PCDHA6: variants seen among roughly 807,000 people sequenced by gnomAD.
PCDHA6 encodes the protein protocadherin alpha 6, also known as protocadherin alpha-6.
A neutral mutation model predicts 60.3 loss-of-function variants in PCDHA6; 55 were observed. The observed-to-expected ratio is 0.91, with a 90% CI of 0.73 to 1.14. The LOEUF is 1.14. Among genes scored for constraint, PCDHA6 ranks in the 50% most tolerant of loss-of-function variants. PCDHA6 has a pLI of 0.00. For missense variants in PCDHA6, 1,327 were observed against 1,256.5 expected, an observed-to-expected ratio of 1.06 and a Z score of -0.85; for synonymous variants, 652 against 557.9, an observed-to-expected ratio of 1.17 and a Z score of -2.38.
intron 1 of PCDHA6, among the ~76,000 whole-genome samples, chr5:140,899,127 C>G (rs1487430888): frequency 2.0e-4 from 30 of 152,302 alleles, no homozygotes; most frequent in African/African-American, 7.0e-4. Context: ...ACAATCATGT[C>G]TTCTGCAAAC....
At chr5:140,835,933 T>C (rs1774056119) in intron 1 of PCDHA6, 1 of 1,612,410 alleles carries the variant, frequency 6.2e-7, no homozygotes, top group Non-Finnish European at 8.5e-7. Context: ...AGCGGCAAGG[T>C]GTACGCGCTG....
At chr5:140,906,933 G>A (rs1214323970) in intron 1 of PCDHA6, among the ~76,000 whole-genome samples, 2 of 152,158 alleles carry the variant, frequency 1.3e-5, no homozygotes, top group African/African-American at 4.8e-5. Flanking sequence ...GTGTCCCGGT[G>A]TCAATCTTAA....
rs529079699 is a variant in PCDHA6, at chr5:140,984,687, T to C, written c.2542+2124T>C. ...TTAGGTTTTTAGGACTCAATATATGTTCTGCACTGCTTGGAGGGAATATGG... is the reference window on the plus strand; with the variant it reads ...TTAGGTTTTTAGGACTCAATATATGCTCTGCACTGCTTGGAGGGAATATGG... On this transcript the variant is annotated intron_variant, in intron 3 of 3. Transcript: ENST00000529310. Among the ~76,000 whole-genome samples the C allele has an allele frequency of 2.0e-5, 3 of 152,332 alleles. No individual in the cohort carries two copies. The East Asian group carries it at 5.8e-4, about 29-fold the overall frequency.
chr5:140,905,130 GT>G (rs1448449678), intron 1 of PCDHA6, among the ~76,000 whole-genome samples: 11 of 152,178 alleles, frequency 7.2e-5, no homozygotes, highest in African/African-American at 2.7e-4. Flanking sequence ...GTCTAGAAGA[GT>G]TTTTCTGCTG....
intron 1 of PCDHA6, chr5:140,875,939 G>A (rs2055971750): frequency 6.2e-7 from 1 of 1,614,158 alleles, no homozygotes; most frequent in Non-Finnish European, 8.5e-7. Flanking sequence ...CCTCTAGAGG[G>A]CGCTTCTGAT....
chr5:140,835,710 G>A (rs1773867505), intron 1 of PCDHA6: 1 of 1,613,842 alleles, frequency 6.2e-7, no homozygotes, highest in Non-Finnish European at 8.5e-7. Context: ...TAGCGTGTCC[G>A]TGGAGGTGGC....
intron 1 of PCDHA6, among the ~76,000 whole-genome samples, chr5:140,887,278 A>G (rs782205714): frequency 5.9e-5 from 9 of 151,950 alleles, no homozygotes; most frequent in Non-Finnish European, 8.8e-5. Flanking sequence ...TTGTATTTTT[A>G]GTAGAGATGG....
intron 1 of PCDHA6, chr5:140,850,086 C>T (rs2150466254): frequency 1.1e-5 from 17 of 1,596,424 alleles, no homozygotes; most frequent in African/African-American, 2.7e-5. Context: ...GCTGGAGCTG[C>T]TACAGTTCCA....
rs1770921442 is a variant in PCDHA6 at position 140,830,239 on chromosome 5, G to T, written c.2148G>T (p.Leu716=). ...CCAGCCTGCTGGTCCTCACGCTACT[G>T]CTGTACACAGCGCTGCGGTGCTCGG... ...AVSSLLVLTL[L]LYTALRCSAP... Residue 716 remains leucine, a synonymous_variant, in exon 1 of 4, where the codon CTG becomes CTT. Transcript: ENST00000529310. The T allele has an allele frequency of 1.2e-6, 2 of 1,613,826 alleles. No homozygotes were observed. The highest frequency in any genetic ancestry group is 1.1e-5 in the South Asian group (1 of 91,090).
At chr5:140,853,280 T>C in intron 1 of PCDHA6, 1 of 980,192 alleles carries the variant, frequency 1.0e-6, no homozygotes, top group South Asian at 4.8e-5. Context: ...TCTCATCATA[T>C]GCAAATTCTC....
At chr5:140,990,314 C>G (rs1295117014) in intron 3 of PCDHA6, among the ~76,000 whole-genome samples, 1 of 152,094 alleles carries the variant, frequency 6.6e-6, no homozygotes, top group East Asian at 1.9e-4. Flanking sequence ...AAAAAACCAA[C>G]CAAACAAACT....
intron 1 of PCDHA6, among the ~76,000 whole-genome samples, chr5:140,897,693 G>A (rs1327367730): frequency 6.6e-6 from 1 of 152,008 alleles, no homozygotes; most frequent in African/African-American, 2.4e-5. Context: ...TAGTCCTTTG[G>A]GCATATACCC....
At chr5:140,856,980 A>G in intron 1 of PCDHA6, 1 of 1,594,908 alleles carries the variant, frequency 6.3e-7, no homozygotes, top group African/African-American at 1.3e-5. Context: ...GACTTTGAGG[A>G]CAGTAACACT....
rs2150163115 is a variant in PCDHA6, at chr5:140,829,151, T to A, written c.1060T>A (p.Ser354Thr). ...TAACGTCCCTGAGATAGCACTGACT[T>A]CCTTATCCTTGCCTGTACGTGAAGA... is the stretch of plus-strand genomic sequence containing the variant. ...NDNVPEIALTSLSLPVREDAQ... is the reference protein window; with the variant it reads ...NDNVPEIALTTLSLPVREDAQ... The change falls in exon 1 of 4, where the codon TCC becomes ACC. Residue 354 changes from serine (S) to threonine (T), a missense_variant. Coordinates refer to ENST00000529310, the MANE Select transcript of PCDHA6 (RefSeq NM_018909.4). The A allele has an allele frequency of 6.2e-7, 1 of 1,613,966 alleles. No individual in the cohort carries two copies. The highest frequency in any genetic ancestry group is 1.7e-5 in the Admixed American group (1 of 60,022).
At chr5:140,943,267 AAAAAAAAAAAG>A in intron 1 of PCDHA6, among the ~76,000 whole-genome samples, 2 of 150,426 alleles carry the variant, frequency 1.3e-5, no homozygotes, top group South Asian at 2.1e-4. Context: ...CAAAAAAAAA[AAAAAAAAAAAG>A]AAAGAAAGAA....
intron 1 of PCDHA6, chr5:140,836,630 A>T (rs2150266222): frequency 6.2e-7 from 1 of 1,613,502 alleles, no homozygotes. Context: ...GGAGCTGGTC[A>T]TTCTCCCAGC....
chr5:140,978,915 A>T, intron 1 of PCDHA6, 34 bp from the exon 2 acceptor site: 3 of 1,613,970 alleles, frequency 1.9e-6, no homozygotes, highest in Non-Finnish European at 2.5e-6. Flanking sequence ...TTGTCTTGTC[A>T]TTTTAACAGA....
At chr5:140,863,350 A>G (rs781880705) in intron 1 of PCDHA6, 2 of 1,296,828 alleles carry the variant, frequency 1.5e-6, no homozygotes, top group Non-Finnish European at 2.1e-6. Flanking sequence ...GCTGTACACG[A>G]CGCTGCGGTG....
At chr5:140,884,559 C>T (rs782174598) in intron 1 of PCDHA6, 2 of 1,614,094 alleles carry the variant, frequency 1.2e-6, no homozygotes, top group Admixed American at 1.7e-5. Context: ...GGGGAGGGCC[C>T]GCATAAGACG....
Sources: gnomAD v4.1 joint callset for allele counts (sites outside exome capture counted in the v4.1 genomes callset) on GRCh38, gnomAD v4.1.1 for gene constraint, MANE v1.5 for transcripts, NCBI Gene and HGNC (gene_info 2026-07-23, HGNC 2026-07-21) for gene names.